TCF4: variants seen among roughly 807,000 people sequenced by gnomAD.
TCF4 encodes the protein transcription factor 4, also known as SL3-3 enhancer factor 2.
TCF4 carries 3 observed loss-of-function variants against 82.1 expected under a neutral mutation model. The observed-to-expected ratio is 0.04, with a 90% CI of 0.02 to 0.09. TCF4 has a LOEUF of 0.09. TCF4 is among the 10% of genes least tolerant of loss of function. TCF4 has a pLI of 1.00. For synonymous variants in TCF4, 276 were observed against 309.6 expected (o/e 0.89, Z 1.14); for missense variants, 518 against 852.7 (o/e 0.61, Z 4.89).
At chr18:55,384,856 A>C (rs2092439529) in intron 6 of TCF4, among the ~76,000 whole-genome samples, 1 of 152,156 alleles carries the variant, frequency 6.6e-6, no homozygotes, top group Non-Finnish European at 1.5e-5. Flanking sequence ...AGTAGAGCTA[A>C]AGGAGAAACC....
At chr18:55,286,353 T>C (rs2063695152) in intron 8 of TCF4, among the ~76,000 whole-genome samples, 1 of 151,798 alleles carries the variant, frequency 6.6e-6, no homozygotes, top group East Asian at 1.9e-4. Flanking sequence ...TACTTTCACA[T>C]CTACTGCCCT....
intron 2 of TCF4, among the ~76,000 whole-genome samples, chr18:55,598,015 T>C (rs1053017994): frequency 3.3e-5 from 5 of 152,286 alleles, no homozygotes; most frequent in Admixed American, 2.0e-4. Context: ...GGCCCTTAAC[T>C]TCCCAGCCTT....
chr18:55,263,688 C>CT (rs2058521760), intron 11 of TCF4, among the ~76,000 whole-genome samples: 1 of 151,028 alleles, frequency 6.6e-6, no homozygotes, highest in African/African-American at 2.4e-5. Flanking sequence ...TGATACTAAC[C>CT]TTTTTTCAGT....
chr18:55,505,477 C>T (rs930874326), intron 3 of TCF4, among the ~76,000 whole-genome samples: 12 of 152,130 alleles, frequency 7.9e-5, no homozygotes, highest in African/African-American at 2.4e-4. Flanking sequence ...TATGAAATAA[C>T]TACCGCCACT....
chr18:55,299,398 C>G (rs975537498), intron 8 of TCF4, among the ~76,000 whole-genome samples: 1 of 149,142 alleles, frequency 6.7e-6, no homozygotes, highest in Admixed American at 6.7e-5. Flanking sequence ...GGCAACAGAG[C>G]GAGACTCCAT....
intron 6 of TCF4, among the ~76,000 whole-genome samples, chr18:55,368,565 T>G (rs1420998206): frequency 2.0e-5 from 3 of 152,182 alleles, no homozygotes; most frequent in African/African-American, 7.2e-5. Context: ...AAATTTGTGT[T>G]GGGCCGCATG....
intron 8 of TCF4, among the ~76,000 whole-genome samples, chr18:55,329,025 C>A (rs564057959): frequency 1.8e-4 from 27 of 152,234 alleles, no homozygotes; most frequent in South Asian, 4.2e-4. Flanking sequence ...TTGTCAAATA[C>A]TTTAAATGGC....
At chr18:55,283,433 C>T (rs971794851) in intron 8 of TCF4, among the ~76,000 whole-genome samples, 6 of 152,196 alleles carry the variant, frequency 3.9e-5, no homozygotes, top group East Asian at 1.9e-4. Flanking sequence ...CTTGGCATAT[C>T]GGTTTCACTT....
rs2092969447 is a variant in TCF4, at chr18:55,390,303, A to AG, written c.369+13150_369+13151insC. On this transcript the variant is annotated intron_variant, in intron 6 of 19. Transcript: ENST00000354452. ...CTGACTCTTAAAAAAAAAAAAAAAA[A>AG]AAAAAAAGAAAGAAAGAAAAGAAAA... 3.3e-5 allele frequency among the ~76,000 whole-genome samples: 5 copies of AG among 150,388 alleles called. 1 individual carries two copies. The South Asian group carries it at 1.1e-3, about 32-fold the overall frequency.
At position 55,518,803 on chromosome 18, in the gene TCF4, A is replaced by G. The variant is rs627278; in HGVS notation, c.146-54666T>C. 1.5e-3 allele frequency among the ~76,000 whole-genome samples: 223 copies of G among 152,320 alleles called. 1 individual carries two copies. Among genetic ancestry groups the G allele is most frequent in the African/African-American group, 5.2e-3 (218 of 41,572 alleles). ...AAGTGTATAAAATCTGAAAGAGAATAAAGAAGTGTGACGGGGTCCTTGTAT... is the reference window on the plus strand; with the variant it reads ...AAGTGTATAAAATCTGAAAGAGAATGAAGAAGTGTGACGGGGTCCTTGTAT... On this transcript the variant is annotated intron_variant, in intron 3 of 19. Coordinates refer to ENST00000354452, the MANE Select transcript of TCF4 (RefSeq NM_001083962.2).
chr18:55,606,753 T>G (rs1244662038), intron 2 of TCF4, among the ~76,000 whole-genome samples: 1 of 152,222 alleles, frequency 6.6e-6, no homozygotes, highest in East Asian at 1.9e-4. Flanking sequence ...TCAGTAATAC[T>G]TGTTCTCCTG....
At chr18:55,587,297 G>A (rs930762403) in intron 1 of TCF4, 161 bp from the exon 2 acceptor site, 3 of 294,648 alleles carry the variant, frequency 1.0e-5, no homozygotes, top group Non-Finnish European at 1.9e-5. Context: ...GTTGGGTTGG[G>A]TTTGGTTTTG....
At chr18:55,587,015 CTGT>C in intron 2 of TCF4, 27 bp downstream of exon 2, 1 of 1,596,638 alleles carries the variant, frequency 6.3e-7, no homozygotes, top group Non-Finnish European at 8.6e-7. Context: ...TTTTTCACAG[CTGT>C]TGTTAGTTTC....
intron 8 of TCF4, among the ~76,000 whole-genome samples, chr18:55,328,601 C>T (rs552160261): frequency 1.3e-5 from 2 of 152,034 alleles, no homozygotes; most frequent in African/African-American, 4.8e-5. Flanking sequence ...AAATGAAATT[C>T]GAGGACAATT....
At chr18:55,325,344 C>A (rs996366382) in intron 8 of TCF4, among the ~76,000 whole-genome samples, 1 of 152,142 alleles carries the variant, frequency 6.6e-6, no homozygotes, top group South Asian at 2.1e-4. Flanking sequence ...GGCAATCGCA[C>A]ATACATTAAA....
intron 15 of TCF4, among the ~76,000 whole-genome samples, chr18:55,248,718 G>A (rs1241850867): frequency 6.6e-6 from 1 of 152,178 alleles, no homozygotes; most frequent in Non-Finnish European, 1.5e-5. Context: ...ATAGCACAAG[G>A]AGTGCTGGTC....
chr18:55,265,740 T>C (rs758303605), intron 11 of TCF4: 1 of 152,176 alleles, frequency 6.6e-6, no homozygotes, highest in African/African-American at 2.4e-5. Flanking sequence ...GGACATAATG[T>C]TTCTACTAGA....
intron 8 of TCF4, among the ~76,000 whole-genome samples, chr18:55,283,652 C>A (rs1407382802): frequency 4.6e-5 from 7 of 152,186 alleles, no homozygotes; most frequent in African/African-American, 1.7e-4. Context: ...GGTCTGACTG[C>A]AAATTCCACC....
At chr18:55,351,902 C>A (rs2082398855) in intron 6 of TCF4, 1 of 851,688 alleles carries the variant, frequency 1.2e-6, no homozygotes, top group Non-Finnish European at 1.4e-6. Flanking sequence ...ATATTAAGAA[C>A]AAATTTACTA....
Sources: gnomAD v4.1 joint callset for allele counts (sites outside exome capture counted in the v4.1 genomes callset) on GRCh38, gnomAD v4.1.1 for gene constraint, MANE v1.5 for transcripts, NCBI Gene and HGNC (gene_info 2026-07-23, HGNC 2026-07-21) for gene names.